The following BBS9 variants were observed in gnomAD, a reference collection of about 807,000 sequenced individuals.
BBS9 encodes the protein protein PTHB1.
BBS9 carries 89 observed loss-of-function variants against 117.7 expected under a neutral mutation model. The observed-to-expected ratio is 0.76, with a 90% CI of 0.64 to 0.90. The LOEUF (loss-of-function observed/expected upper bound fraction) is 0.90, where lower values mean the gene tolerates loss of function less well. Ranked by LOEUF, BBS9 falls within the 40% of genes least tolerant of loss-of-function variation. The pLI is 0.00. For missense variants in BBS9, 982 were observed against 1,042.2 expected, an observed-to-expected ratio of 0.94 and a Z score of 0.80; for synonymous variants, 379 against 370.9, an observed-to-expected ratio of 1.02 and a Z score of -0.25.
intron 19 of BBS9, among the ~76,000 whole-genome samples, chr7:33,408,261 C>T (rs1237171378): frequency 6.6e-6 from 1 of 152,234 alleles, no homozygotes; most frequent in African/African-American, 2.4e-5. Flanking sequence ...ATATAATCTC[C>T]TGGTGCGCCG....
chr7:33,546,034 T>C (rs372290334), intron 21 of BBS9, among the ~76,000 whole-genome samples: 40 of 144,218 alleles, frequency 2.8e-4, no homozygotes, highest in Admixed American at 5.8e-4. Context: ...CCCAGGTTCA[T>C]GCCATTCTCC....
rs1846039190 is a variant in BBS9 at position 33,505,569 on chromosome 7, G to A, written c.2222G>A (p.Trp741Ter). 6.2e-7 allele frequency: 1 copy of A among 1,613,996 alleles called. No individual in the cohort carries two copies. The highest frequency in any genetic ancestry group is 1.7e-5 in the Admixed American group (1 of 60,010). Reference protein sequence around the residue: ...THLVILLIALWQKLSADQVAI... With the variant: ...THLVILLIAL ...TTGGTGATTCTGCTGATCGCGCTGT[G>A]GCAGAAGCTTAGTGCTGACCAGGTT... The change falls in exon 20 of 23, where the codon TGG (tryptophan) becomes TAG (stop). Residue 741 changes from tryptophan (W) to a stop codon, truncating the protein, a stop_gained. Coordinates refer to ENST00000242067, the MANE Select transcript of BBS9 (RefSeq NM_198428.3). LOFTEE classifies it high-confidence loss of function.
chr7:33,570,102 A>C (rs978025453), intron 21 of BBS9, among the ~76,000 whole-genome samples: 3 of 152,360 alleles, frequency 2.0e-5, no homozygotes, highest in African/African-American at 7.2e-5. Context: ...TCCAAAAGCA[A>C]GGAAGTTTTG....
intron 21 of BBS9, among the ~76,000 whole-genome samples, chr7:33,624,007 G>A (rs933188277): frequency 6.6e-6 from 1 of 150,720 alleles, no homozygotes; most frequent in Non-Finnish European, 1.5e-5. Flanking sequence ...AATCATATAA[G>A]TCTTACTCTT....
chr7:33,535,660 G>C (rs188291394), intron 21 of BBS9, among the ~76,000 whole-genome samples: 3 of 152,248 alleles, frequency 2.0e-5, no homozygotes, highest in African/African-American at 4.8e-5. Context: ...GTTTTCCTAA[G>C]AGATATTTAG....
chr7:33,253,338 C>T (rs897355637), intron 5 of BBS9, among the ~76,000 whole-genome samples: 13 of 152,120 alleles, frequency 8.5e-5, no homozygotes, highest in African/African-American at 1.7e-4. Flanking sequence ...TTTGGCCGGG[C>T]GCAGTGGCTT....
intron 20 of BBS9, 51 bp from the exon 21 acceptor site, chr7:33,533,903 C>T (rs567961355): frequency 6.3e-7 from 1 of 1,593,244 alleles, no homozygotes; most frequent in East Asian, 2.2e-5. Context: ...CAAGTGCCCA[C>T]TTTTCTTATT....
chr7:33,490,137 G>T (rs962560231), intron 19 of BBS9, among the ~76,000 whole-genome samples: 5 of 152,098 alleles, frequency 3.3e-5, no homozygotes, highest in Admixed American at 3.3e-4. Flanking sequence ...CTTAACAGAT[G>T]CTCTCATCCT....
chr7:33,254,344 C>G (rs1796682915), intron 5 of BBS9, among the ~76,000 whole-genome samples: 1 of 152,126 alleles, frequency 6.6e-6, no homozygotes, highest in Non-Finnish European at 1.5e-5. Flanking sequence ...CATCTTTCCT[C>G]TAACTTTGGA....
intron 5 of BBS9, among the ~76,000 whole-genome samples, chr7:33,205,772 T>C (rs1786790517): frequency 1.3e-5 from 2 of 152,328 alleles, no homozygotes; most frequent in African/African-American, 2.4e-5. Flanking sequence ...ATAGATTAAA[T>C]TGATCTTCAC....
chr7:33,441,358 G>A (rs1836153070), intron 19 of BBS9, among the ~76,000 whole-genome samples: 1 of 152,082 alleles, frequency 6.6e-6, no homozygotes, highest in Non-Finnish European at 1.5e-5. Flanking sequence ...ATCCCCAAGG[G>A]CTCAGACAGA....
intron 12 of BBS9, among the ~76,000 whole-genome samples, chr7:33,345,782 A>G (rs1431589953): frequency 6.6e-6 from 1 of 152,226 alleles, no homozygotes; most frequent in East Asian, 1.9e-4. Context: ...TTTTAAATCT[A>G]TCTACTGATA....
chr7:33,491,925 T>C (rs1843967886), intron 19 of BBS9, among the ~76,000 whole-genome samples: 1 of 151,796 alleles, frequency 6.6e-6, no homozygotes, highest in African/African-American at 2.4e-5. Context: ...TTGGGCTGGG[T>C]GTGGTGGCTC....
chr7:33,431,207 CAAA>C (rs201562924), intron 19 of BBS9, among the ~76,000 whole-genome samples: 7 of 111,100 alleles, frequency 6.3e-5, no homozygotes, highest in Admixed American at 9.3e-5. Flanking sequence ...GACCCTGTCT[CAAA>C]AAAAAAAAAA....
At chr7:33,428,604 C>G (rs946214281) in intron 19 of BBS9, among the ~76,000 whole-genome samples, 7 of 152,298 alleles carry the variant, frequency 4.6e-5, no homozygotes, top group African/African-American at 1.4e-4. Context: ...CATTCCTCAT[C>G]TAAATGAAAC....
At chr7:33,571,811 T>C (rs936035943) in intron 21 of BBS9, among the ~76,000 whole-genome samples, 1 of 152,028 alleles carries the variant, frequency 6.6e-6, no homozygotes, top group African/African-American at 2.4e-5. Context: ...ATATAGATAA[T>C]ATTTGTACAT....
intron 9 of BBS9, among the ~76,000 whole-genome samples, chr7:33,281,402 C>T (rs1243662740): frequency 4.3e-5 from 5 of 115,552 alleles, no homozygotes; most frequent in African/African-American, 1.7e-4. Flanking sequence ...GAGGCAGGGT[C>T]TCACTCTGTT....
chr7:33,470,278 A>G (rs1416593551), intron 19 of BBS9, among the ~76,000 whole-genome samples: 1 of 101,192 alleles, frequency 9.9e-6, no homozygotes, highest in Non-Finnish European at 1.8e-5. Flanking sequence ...TAAACATTGA[A>G]CACCAGCATT....
chr7:33,236,076 C>T (rs1793421704), intron 5 of BBS9, among the ~76,000 whole-genome samples: 1 of 151,518 alleles, frequency 6.6e-6, no homozygotes. Context: ...GCCTGTAATC[C>T]CAGCACTTTG....
Sources: gnomAD v4.1 joint callset for allele counts (sites outside exome capture counted in the v4.1 genomes callset) on GRCh38, gnomAD v4.1.1 for gene constraint, MANE v1.5 for transcripts, NCBI Gene and HGNC (gene_info 2026-07-23, HGNC 2026-07-21) for gene names.